Variants in ITFG2 observed in about 807,000 individuals in gnomAD.
The protein encoded by ITFG2 is KICSTOR complex protein ITFG2.
In ITFG2, 36 loss-of-function variants were observed where a neutral mutation model predicts 54.4. The ratio of observed to expected loss-of-function variants is 0.66; its 90% CI spans 0.51 to 0.87. The LOEUF is 0.87. ITFG2 is among the 40% of genes least tolerant of loss of function. The probability of loss-of-function intolerance (pLI) is 0.00; values close to 1 mark genes in which losing one functional copy is unlikely to be tolerated. For missense variants in ITFG2, 524 were observed against 576.7 expected (o/e 0.91, Z 0.94); for synonymous variants, 211 against 225.4 (o/e 0.94, Z 0.57).
rs747450149 is a variant in ITFG2, at chr12:2,824,012, G to A, written c.1240+69G>A. The A allele has an allele frequency of 2.5e-6, 4 of 1,613,324 alleles. No individual in the cohort carries two copies. In the East Asian group the frequency reaches 8.9e-5, roughly 36 times the overall value. ...ACAGCATGCTGCAGGAGCTGGGCGT[G>A]GGTGAGTCCCAGAAAAGCCAGTGGC... is the stretch of plus-strand genomic sequence containing the variant. On this transcript the variant is annotated intron_variant, in intron 11 of 11. Coordinates refer to ENST00000228799, the MANE Select transcript of ITFG2 (RefSeq NM_018463.4).
chr12:2,822,760 C>G, intron 9 of ITFG2, 34 bp from the exon 10 acceptor site: 2 of 1,570,562 alleles, frequency 1.3e-6, no homozygotes, highest in Non-Finnish European at 1.8e-6. Context: ...GTCCACAGCT[C>G]CTTTATGTTC....
Position 2,849,401 on chromosome 12 carries a change from TCTC to T in ITFG2, n.300+8409_300+8411del, listed in dbSNP as rs1565447248. 1.1e-5 allele frequency: 17 copies of T among 1,536,026 alleles called. No homozygotes were observed. In the East Asian group the frequency reaches 3.7e-4, roughly 33 times the overall value. ...GGCAGCAAGGCCAGCTTTAGCACCT[TCTC>T]CTGGTAGTGAGGCAGAGGGTTTGGG... is the stretch of plus-strand genomic sequence containing the variant. On this transcript the variant is annotated intron_variant and non_coding_transcript_variant, in intron 2 of 3. Transcript: ENST00000537710.
chr12:2,858,905 C>A (rs995881166), intron 3 of ITFG2: 4 of 1,613,762 alleles, frequency 2.5e-6, no homozygotes, highest in Non-Finnish European at 2.5e-6. Context: ...AACTGAGGAG[C>A]CTTTGCGGTG....
chr12:2,853,176 A>G (rs2098076461), intron 2 of ITFG2, among the ~76,000 whole-genome samples: 2 of 152,156 alleles, frequency 1.3e-5, no homozygotes, highest in Non-Finnish European at 2.9e-5. Flanking sequence ...GTCAGCACCT[A>G]TCAGCAACTG....
chr12:2,823,964 T>A (rs2097955174), intron 11 of ITFG2, 21 bp downstream of exon 11: 3 of 1,611,416 alleles, frequency 1.9e-6, no homozygotes, highest in Non-Finnish European at 2.5e-6. Flanking sequence ...GAAAAGCCAG[T>A]GGCCCGAGTG....
At chr12:2,830,902 C>A, downstream of ITFG2, 1 of 1,589,578 alleles carries the variant, frequency 6.3e-7, no homozygotes, top group Non-Finnish European at 8.6e-7. Flanking sequence ...AGTTCTAAAC[C>A]CAGGCATCCA....
chr12:2,858,631 C>G lies in ITFG2; in HGVS notation n.620+300C>G, dbSNP rs772417443. On this transcript the variant is annotated intron_variant and non_coding_transcript_variant, in intron 3 of 3. Coordinates refer to the ITFG2 transcript ENST00000537710. ...GACAGCTTGAGCACAGGGGCAAGGGCAGGGCTCTACTGTAGCTCAGGAATA... is the reference window on the plus strand; with the variant it reads ...GACAGCTTGAGCACAGGGGCAAGGGGAGGGCTCTACTGTAGCTCAGGAATA... The G allele has an allele frequency of 1.9e-6, 3 of 1,610,818 alleles. No homozygotes were observed. The African/African-American group carries it at 4.0e-5, about 22-fold the overall frequency.
At chr12:2,834,630 G>A, upstream of ITFG2, 2 of 1,571,442 alleles carry the variant, frequency 1.3e-6, no homozygotes, top group African/African-American at 2.7e-5. Context: ...CAGGGGAGGG[G>A]TGATGCCTCA....
At chr12:2,835,051 A>G, upstream of ITFG2, 1 of 1,457,652 alleles carries the variant, frequency 6.9e-7, no homozygotes, top group Middle Eastern at 2.0e-4. Context: ...TCCGGCTGGA[A>G]AAACCCAGTC....
At chr12:2,839,796 C>A (rs1434905229) in intron 1 of ITFG2, among the ~76,000 whole-genome samples, 1 of 152,178 alleles carries the variant, frequency 6.6e-6, no homozygotes, top group Admixed American at 6.5e-5. Flanking sequence ...AAATCATGTC[C>A]TCTGCAGCAA....
chr12:2,839,606 T>C (rs2098036257), intron 1 of ITFG2, among the ~76,000 whole-genome samples: 1 of 152,214 alleles, frequency 6.6e-6, no homozygotes, highest in African/African-American at 2.4e-5. Flanking sequence ...GCCTACTATG[T>C]ACTGGACGCT....
intron 4 of ITFG2, among the ~76,000 whole-genome samples, chr12:2,818,933 G>A (rs139752644): frequency 3.3e-5 from 5 of 151,816 alleles, no homozygotes; most frequent in Admixed American, 2.0e-4. Context: ...CAGGAGAATC[G>A]CTTGAACCCG....
intron 1 of ITFG2, among the ~76,000 whole-genome samples, chr12:2,837,304 CG>C (rs1311576998): frequency 6.6e-6 from 1 of 151,946 alleles, no homozygotes; most frequent in African/African-American, 2.4e-5. Flanking sequence ...AGTGAAACCC[CG>C]TCTCTACTAA....
chr12:2,821,354 A>G lies in ITFG2; in HGVS notation c.788A>G (p.Lys263Arg). ...NVSTHLIGNIKQGHGTESSGS... is the reference protein window; with the variant it reads ...NVSTHLIGNIRQGHGTESSGS... ...TCCACTCACCTAATTGGCAACATCA[A>G]ACAAGGTGAAAGTGTGGTGGGTGTG... Residue 263 changes from lysine to arginine, a missense_variant, in exon 7 of 12, where the codon AAA becomes AGA. Coordinates refer to ENST00000228799, the MANE Select transcript of ITFG2 (RefSeq NM_018463.4). The G allele has an allele frequency of 6.2e-7, 1 of 1,606,042 alleles. No individual in the cohort carries two copies.
intron 9 of ITFG2, among the ~76,000 whole-genome samples, chr12:2,822,413 T>C (rs1274886317): frequency 2.6e-5 from 4 of 152,186 alleles, no homozygotes; most frequent in African/African-American, 7.2e-5. Context: ...AGGCATATTT[T>C]GTAGGTTTTT....
At chr12:2,814,686 G>A (rs1053385710) in intron 1 of ITFG2, among the ~76,000 whole-genome samples, 1 of 146,036 alleles carries the variant, frequency 6.8e-6, no homozygotes, top group Non-Finnish European at 1.5e-5. Context: ...GAAAAAATTA[G>A]CCAGGTGTGG....
chr12:2,822,758 CTCCTTTATGT>C, intron 9 of ITFG2, 26 bp from the exon 10 acceptor site: 1 of 1,562,058 alleles, frequency 6.4e-7, no homozygotes, highest in Non-Finnish European at 8.8e-7. Flanking sequence ...CAGTCCACAG[CTCCTTTATGT>C]TCCTTTTGTC....
At position 2,839,426 on chromosome 12, in the gene ITFG2, C is replaced by T. The variant is rs562464848; in HGVS notation, n.147-1416C>T. Among the ~76,000 whole-genome samples, 21 of 152,288 alleles carry T rather than the reference C, an allele frequency of 1.4e-4. No individual in the cohort carries two copies. In the East Asian group the frequency reaches 3.5e-3, roughly 25 times the overall value. ...AACCGTTAGGAGTAGAAGAAGTGAGCGTATTCTCGTCCAAAACACTTGGAA... is the reference window on the plus strand; with the variant it reads ...AACCGTTAGGAGTAGAAGAAGTGAGTGTATTCTCGTCCAAAACACTTGGAA... On this transcript the variant is annotated intron_variant and non_coding_transcript_variant, in intron 1 of 3. Transcript: ENST00000537710.
chr12:2,834,737 G>A (rs770519983), upstream of ITFG2: 82 of 1,614,038 alleles, frequency 5.1e-5, 1 homozygote, highest in South Asian at 5.9e-4. Context: ...TTGAGCCGGC[G>A]CTGCTGGCTC....
Sources: gnomAD v4.1 joint callset for allele counts (sites outside exome capture counted in the v4.1 genomes callset) on GRCh38, gnomAD v4.1.1 for gene constraint, MANE v1.5 for transcripts, NCBI Gene and HGNC (gene_info 2026-07-23, HGNC 2026-07-21) for gene names.